The following CNTNAP2 variants were observed in gnomAD, a reference collection of about 807,000 sequenced individuals.
CNTNAP2 encodes contactin-associated protein-like 2.
In CNTNAP2, 98 loss-of-function variants were observed where a neutral mutation model predicts 155.2. The ratio of observed to expected loss-of-function variants is 0.63; its 90% confidence interval spans 0.54 to 0.75. The LOEUF (loss-of-function observed/expected upper bound fraction) is 0.75, where lower values mean the gene tolerates loss of function less well. Among genes scored for constraint, CNTNAP2 ranks in the 30% least tolerant of loss-of-function variants. CNTNAP2 has a pLI of 0.00. For missense variants in CNTNAP2, 1,727 were observed against 1,688.1 expected (o/e 1.02, Z -0.40); for synonymous variants, 651 against 631.2 (o/e 1.03, Z -0.47).
chr7:147,691,859 G>C (rs2116992706), intron 13 of CNTNAP2, among the ~76,000 whole-genome samples: 1 of 152,044 alleles, frequency 6.6e-6, no homozygotes, highest in African/African-American at 2.4e-5. Context: ...AACCTACACA[G>C]ACACATCATT....
intron 15 of CNTNAP2, among the ~76,000 whole-genome samples, chr7:148,031,603 T>G (rs1585087667): frequency 6.6e-6 from 1 of 152,318 alleles, no homozygotes; most frequent in East Asian, 1.9e-4. Context: ...AGAAATGTAT[T>G]TAATAGCACT....
chr7:147,437,813 T>G (rs1353787120), intron 10 of CNTNAP2, among the ~76,000 whole-genome samples: 2 of 152,178 alleles, frequency 1.3e-5, no homozygotes, highest in Non-Finnish European at 2.9e-5. Flanking sequence ...TATTGATTCT[T>G]CCAATCCATA....
At chr7:147,660,169 C>A (rs1419743211) in intron 13 of CNTNAP2, among the ~76,000 whole-genome samples, 1 of 152,014 alleles carries the variant, frequency 6.6e-6, no homozygotes, top group Non-Finnish European at 1.5e-5. Context: ...AATGTAGACA[C>A]AAACTGTTTT....
At chr7:148,123,930 G>A (rs1804659082) in intron 16 of CNTNAP2, among the ~76,000 whole-genome samples, 1 of 152,218 alleles carries the variant, frequency 6.6e-6, no homozygotes, top group South Asian at 2.1e-4. Context: ...GATTTAACAT[G>A]TAGAGGTCAC....
intron 1 of CNTNAP2, among the ~76,000 whole-genome samples, chr7:146,211,466 G>A (rs971807060): frequency 1.3e-5 from 2 of 152,076 alleles, no homozygotes; most frequent in African/African-American, 4.8e-5. Flanking sequence ...TTCTTTTAAT[G>A]CTGTATTTTT....
intron 9 of CNTNAP2, 116 bp downstream of exon 9, chr7:147,300,406 AAAAC>A (rs3837092): frequency 1.9e-6 from 2 of 1,078,056 alleles, no homozygotes; most frequent in Non-Finnish European, 2.8e-6. Flanking sequence ...ATCTCATGAC[AAAAC>A]AAACTGTAAT....
At chr7:148,395,007 C>T (rs192014916) in intron 22 of CNTNAP2, among the ~76,000 whole-genome samples, 24 of 152,204 alleles carry the variant, frequency 1.6e-4, no homozygotes, top group Admixed American at 5.9e-4. Flanking sequence ...TCTAGAAATT[C>T]GTGCATTTAA....
At chr7:146,324,152 C>T (rs1193802092) in intron 1 of CNTNAP2, among the ~76,000 whole-genome samples, 1 of 152,058 alleles carries the variant, frequency 6.6e-6, no homozygotes, top group Non-Finnish European at 1.5e-5. Flanking sequence ...ATCCCAGGTA[C>T]TTGGGAGGCT....
chr7:146,286,849 T>A lies in CNTNAP2; in HGVS notation c.97+169876T>A, dbSNP rs542222309. 3.9e-5 allele frequency among the ~76,000 whole-genome samples: 6 copies of A among 152,206 alleles called. No individual in the cohort carries two copies. In the East Asian group the frequency reaches 9.7e-4, roughly 25 times the overall value. The stretch of plus-strand genomic sequence containing the variant: ...AGCTGAGCACAGTGGCTCAGGCCTG[T>A]AATACCAGGACTTTGTGAGGCTGAG... On this transcript the variant is annotated intron_variant, in intron 1 of 23. Transcript: ENST00000361727.
intron 1 of CNTNAP2, among the ~76,000 whole-genome samples, chr7:146,604,762 A>C (rs1455991964): frequency 2.1e-5 from 3 of 142,828 alleles, no homozygotes; most frequent in East Asian, 2.0e-4. Flanking sequence ...TGATGAGTTC[A>C]TGTCCTTTGT....
At chr7:147,753,722 G>A (rs185161736) in intron 13 of CNTNAP2, among the ~76,000 whole-genome samples, 115 of 152,208 alleles carry the variant, frequency 7.6e-4, no homozygotes, top group East Asian at 5.8e-3. Context: ...GATGAAGGTC[G>A]CACAATTCAC....
At chr7:148,258,321 A>G (rs934951766) in intron 20 of CNTNAP2, among the ~76,000 whole-genome samples, 1 of 152,202 alleles carries the variant, frequency 6.6e-6, no homozygotes, top group Non-Finnish European at 1.5e-5. Context: ...GACTAGCAGG[A>G]GAGTCACACC....
At chr7:146,776,736 C>G (rs1016066748) in intron 2 of CNTNAP2, among the ~76,000 whole-genome samples, 2 of 151,970 alleles carry the variant, frequency 1.3e-5, no homozygotes, top group African/African-American at 4.8e-5. Context: ...GTTTTTTGCT[C>G]TCATTTAATT....
intron 8 of CNTNAP2, among the ~76,000 whole-genome samples, chr7:147,143,553 T>A (rs928910650): frequency 6.6e-6 from 1 of 152,168 alleles, no homozygotes; most frequent in East Asian, 1.9e-4. Context: ...GGCATGTTTC[T>A]AGATATCCAG....
intron 1 of CNTNAP2, among the ~76,000 whole-genome samples, chr7:146,207,730 G>A (rs1371107201): frequency 1.3e-5 from 2 of 150,566 alleles, no homozygotes; most frequent in Non-Finnish European, 3.0e-5. Context: ...ACGAAAGAGT[G>A]GAGGATGGAT....
At position 147,713,854 on chromosome 7, in the gene CNTNAP2, T is replaced by C. The variant is rs751921328; in HGVS notation, c.2098+74548T>C. On this transcript the variant is annotated intron_variant, in intron 13 of 23. Transcript: ENST00000361727. ...TTTTAATTAGCATTTCCCTAATGAC[T>C]AATGATATTGAGCATCTTTTAAGTG... 2.0e-5 allele frequency among the ~76,000 whole-genome samples: 3 copies of C among 152,178 alleles called. No individual in the cohort carries two copies. The East Asian group carries it at 5.8e-4, about 29-fold the overall frequency.
At chr7:146,536,788 A>G (rs1439698870) in intron 1 of CNTNAP2, among the ~76,000 whole-genome samples, 1 of 152,142 alleles carries the variant, frequency 6.6e-6, no homozygotes, top group Non-Finnish European at 1.5e-5. Flanking sequence ...AGACGCTGTG[A>G]TTGTGAAAAC....
chr7:147,961,983 C>T (rs1801126945), intron 14 of CNTNAP2, among the ~76,000 whole-genome samples: 1 of 152,068 alleles, frequency 6.6e-6, no homozygotes, highest in Admixed American at 6.6e-5. Context: ...TAAAAAGAAA[C>T]AGAAACAAAA....
At chr7:146,662,809 AT>A (rs917087017) in intron 1 of CNTNAP2, among the ~76,000 whole-genome samples, 50 of 152,248 alleles carry the variant, frequency 3.3e-4, no homozygotes, top group African/African-American at 1.2e-3. Context: ...GTAATTGAAC[AT>A]TTTTTTAAAT....
Sources: allele counts gnomAD v4.1 joint callset (sites outside exome capture counted in the v4.1 genomes callset), GRCh38; gene constraint gnomAD v4.1.1; transcripts MANE v1.5; gene names NCBI Gene and HGNC (gene_info 2026-07-23, HGNC 2026-07-21).